SLC1A3: variants seen among roughly 807,000 people sequenced by gnomAD.
SLC1A3 encodes excitatory amino acid transporter 1.
SLC1A3 carries 21 observed loss-of-function variants against 48.1 expected under a neutral mutation model. The observed-to-expected ratio is 0.44, with a 90% CI of 0.31 to 0.63. SLC1A3 has a LOEUF of 0.63. SLC1A3 is among the 20% of genes least tolerant of loss of function. The pLI is 0.08. For synonymous variants in SLC1A3, 239 were observed against 251.4 expected (o/e 0.95, Z 0.47); for missense variants, 546 against 689.0 (o/e 0.79, Z 2.32).
At chr5:36,662,046 A>G (rs1209881975) in intron 3 of SLC1A3, among the ~76,000 whole-genome samples, 1 of 152,248 alleles carries the variant, frequency 6.6e-6, no homozygotes, top group African/African-American at 2.4e-5. Flanking sequence ...TCCAGTGGTC[A>G]GTTGTAAATC....
At chr5:36,659,780 A>G (rs1220187036) in intron 3 of SLC1A3, among the ~76,000 whole-genome samples, 1 of 152,224 alleles carries the variant, frequency 6.6e-6, no homozygotes, top group Non-Finnish European at 1.5e-5. Context: ...CTTAATGTTT[A>G]TGTCCTTTGC....
chr5:36,679,907 C>A, intron 7 of SLC1A3, 47 bp downstream of exon 7: 1 of 1,363,852 alleles, frequency 7.3e-7, no homozygotes, highest in Non-Finnish European at 1.0e-6. Context: ...TACCTTGAAC[C>A]AGGGCCCCTC....
chr5:36,685,171 A>T (rs7713760), intron 9 of SLC1A3, among the ~76,000 whole-genome samples: 151,125 of 152,380 alleles, frequency 0.99, 74,964 homozygotes, highest in Middle Eastern at 1. Flanking sequence ...ATAAAATAAA[A>T]TAATGGAATG....
intron 2 of SLC1A3, among the ~76,000 whole-genome samples, chr5:36,629,188 A>G (rs1399360496): frequency 6.6e-6 from 1 of 152,158 alleles, no homozygotes. Context: ...ACTGCATTCA[A>G]GTTAGACAAA....
chr5:36,667,064 G>T (rs184256999), intron 3 of SLC1A3, among the ~76,000 whole-genome samples: 3 of 152,252 alleles, frequency 2.0e-5, no homozygotes, highest in African/African-American at 7.2e-5. Context: ...ACAGAAATAG[G>T]TTTGGAGAAA....
intron 3 of SLC1A3, among the ~76,000 whole-genome samples, chr5:36,642,829 A>G (rs1167883439): frequency 1.3e-5 from 2 of 152,086 alleles, no homozygotes; most frequent in Non-Finnish European, 2.9e-5. Flanking sequence ...GTCCTTTGTG[A>G]CTGGCTTTTT....
At chr5:36,599,620 C>T (rs976194421) in intron 1 of SLC1A3, among the ~76,000 whole-genome samples, 1 of 144,966 alleles carries the variant, frequency 6.9e-6, no homozygotes, top group African/African-American at 2.6e-5. Context: ...AGCGATTCTC[C>T]TGCCTCAGCC....
intron 4 of SLC1A3, among the ~76,000 whole-genome samples, chr5:36,672,199 T>C (rs1379879986): frequency 6.6e-6 from 1 of 152,088 alleles, no homozygotes; most frequent in East Asian, 1.9e-4. Context: ...ACAAAATCTG[T>C]CAAAGAGAGC....
intron 4 of SLC1A3, among the ~76,000 whole-genome samples, chr5:36,673,608 G>A (rs1304137485): frequency 1.3e-5 from 2 of 152,176 alleles, no homozygotes; most frequent in African/African-American, 2.4e-5. Flanking sequence ...AGGCTTTTCT[G>A]GAGAACAAAA....
upstream of SLC1A3, among the ~76,000 whole-genome samples, chr5:36,601,641 A>G (rs1738808453): frequency 6.6e-6 from 1 of 152,114 alleles, no homozygotes; most frequent in Admixed American, 6.5e-5. Flanking sequence ...GAATCCACAC[A>G]TTAAGGAGGT....
intron 2 of SLC1A3, among the ~76,000 whole-genome samples, chr5:36,609,544 TA>T (rs1258754530): frequency 2.0e-5 from 3 of 152,210 alleles, no homozygotes; most frequent in Admixed American, 6.5e-5. Context: ...TTTAAAGAGG[TA>T]ATGATTTAAT....
intron 3 of SLC1A3, among the ~76,000 whole-genome samples, chr5:36,637,022 T>G (rs1740419881): frequency 1.3e-5 from 2 of 152,204 alleles, no homozygotes; most frequent in Non-Finnish European, 2.9e-5. Context: ...TCAGATGGTC[T>G]CAGGGGAGCA....
chr5:36,679,918 A>G, intron 7 of SLC1A3, 58 bp downstream of exon 7: 2 of 1,234,466 alleles, frequency 1.6e-6, no homozygotes, highest in Non-Finnish European at 2.4e-6. Flanking sequence ...AGGGCCCCTC[A>G]AGTAGGGTGT....
chr5:36,619,660 A>G (rs1707355451), intron 2 of SLC1A3, among the ~76,000 whole-genome samples: 1 of 152,206 alleles, frequency 6.6e-6, no homozygotes, highest in African/African-American at 2.4e-5. Flanking sequence ...AGCTTCATCA[A>G]ACTGTAGTTT....
At chr5:36,619,474 TA>T (rs1476826384) in intron 2 of SLC1A3, among the ~76,000 whole-genome samples, 1 of 152,114 alleles carries the variant, frequency 6.6e-6, no homozygotes, top group African/African-American at 2.4e-5. Flanking sequence ...ACCCTGTCTC[TA>T]AAAAAATTTC....
chr5:36,686,371 T>G lies in SLC1A3; in HGVS notation c.*102T>G. The G allele has an allele frequency of 1.1e-6, 1 of 909,420 alleles. No homozygotes were observed. The highest frequency in any genetic ancestry group is 1.8e-6 in the Non-Finnish European group (1 of 553,326). The allele number at this position is 909,420 out of a possible 1,614,324, so 56.3% of individuals were successfully genotyped here. ...ATTCGCTCCAGCAAGCCCGTCATCT[T>G]CCCTTTCCTCCCTTCTGATAAGACT... On this transcript the variant is annotated 3_prime_UTR_variant, in exon 10 of 10. Coordinates refer to ENST00000265113, the MANE Select transcript of SLC1A3 (RefSeq NM_004172.5).
At chr5:36,619,667 G>C (rs1739587547) in intron 2 of SLC1A3, among the ~76,000 whole-genome samples, 1 of 152,146 alleles carries the variant, frequency 6.6e-6, no homozygotes, top group South Asian at 2.1e-4. Context: ...TCAAACTGTA[G>C]TTTGTAAGCA....
intron 5 of SLC1A3, among the ~76,000 whole-genome samples, chr5:36,676,386 C>G (rs1742206960): frequency 6.6e-6 from 1 of 152,168 alleles, no homozygotes; most frequent in African/African-American, 2.4e-5. Context: ...TGAGGTAGAA[C>G]CAGCACAACT....
At chr5:36,672,746 G>A (rs956825065) in intron 4 of SLC1A3, among the ~76,000 whole-genome samples, 6 of 152,060 alleles carry the variant, frequency 3.9e-5, no homozygotes, top group Non-Finnish European at 8.8e-5. Context: ...CCTTTTTCAG[G>A]GAGTTAATCA....
Sources: gnomAD v4.1 joint callset for allele counts (sites outside exome capture counted in the v4.1 genomes callset) on GRCh38, gnomAD v4.1.1 for gene constraint, MANE v1.5 for transcripts, NCBI Gene and HGNC (gene_info 2026-07-23, HGNC 2026-07-21) for gene names.